The following SORCS3 variants were observed in gnomAD, a reference collection of about 807,000 sequenced individuals.
SORCS3 encodes sortilin related VPS10 domain containing receptor 3, also known as VPS10 domain-containing receptor SorCS3.
SORCS3 carries 57 observed loss-of-function variants against 146.3 expected under a neutral mutation model. That is an observed-to-expected ratio of 0.39 (90% CI 0.31 to 0.49). The LOEUF is 0.49. Among genes scored for constraint, SORCS3 ranks in the 20% least tolerant of loss-of-function variants. The pLI, the probability that SORCS3 is intolerant of heterozygous loss-of-function variation, is 0.92. For missense variants in SORCS3, 1,341 were observed against 1,575.5 expected (o/e 0.85, Z 2.52); for synonymous variants, 653 against 618.5 (o/e 1.06, Z -0.83).
At chr10:105,108,856 A>G (rs768420130) in intron 7 of SORCS3, among the ~76,000 whole-genome samples, 1 of 152,224 alleles carries the variant, frequency 6.6e-6, no homozygotes, top group Non-Finnish European at 1.5e-5. Flanking sequence ...AGGTACAAAT[A>G]TAAATCAGTG....
intron 1 of SORCS3, among the ~76,000 whole-genome samples, chr10:104,648,854 A>G (rs1291157950): frequency 6.6e-6 from 1 of 152,190 alleles, no homozygotes; most frequent in Non-Finnish European, 1.5e-5. Context: ...GTTTTCTGCT[A>G]TTGAGTGCAT....
At chr10:104,787,445 T>C (rs181237988) in intron 1 of SORCS3, among the ~76,000 whole-genome samples, 76 of 152,326 alleles carry the variant, frequency 5.0e-4, no homozygotes, top group African/African-American at 1.6e-3. Context: ...GGAATCATAA[T>C]GAATCCACTG....
rs114131453 is a variant in SORCS3 at position 104,747,712 on chromosome 10, C to T, written c.628-95080C>T. Reference sequence around the variant, plus strand: ...CATGTTCTTTAAGAGAGACACTGCTCGGACCATTCTCAGCACCTAGCACAG... The same window carrying T: ...CATGTTCTTTAAGAGAGACACTGCTTGGACCATTCTCAGCACCTAGCACAG... On this transcript the variant is annotated intron_variant, in intron 1 of 26. Transcript: ENST00000369701. 5.1e-3 allele frequency among the ~76,000 whole-genome samples: 775 copies of T among 152,290 alleles called. 5 individuals are homozygous for T. Among genetic ancestry groups the T allele is most frequent in the African/African-American group, 0.017 (713 of 41,556 alleles).
intron 6 of SORCS3, among the ~76,000 whole-genome samples, chr10:105,099,126 A>G (rs1321298768): frequency 6.6e-6 from 1 of 152,198 alleles, no homozygotes; most frequent in Admixed American, 6.5e-5. Flanking sequence ...GTCTTTACAG[A>G]TAGGTTAGTT....
chr10:104,873,507 G>A (rs932699445), intron 2 of SORCS3, among the ~76,000 whole-genome samples: 2 of 152,190 alleles, frequency 1.3e-5, no homozygotes, highest in South Asian at 4.1e-4. Flanking sequence ...GAAGGAAAGT[G>A]TGCATGAAAA....
chr10:104,929,473 C>A (rs922664353), intron 3 of SORCS3, among the ~76,000 whole-genome samples: 6 of 152,224 alleles, frequency 3.9e-5, no homozygotes, highest in African/African-American at 1.4e-4. Context: ...ACAAACTCCT[C>A]CTGCATCCCT....
chr10:104,987,164 AGAAAG>A (rs1297527611), intron 4 of SORCS3, among the ~76,000 whole-genome samples: 1 of 152,100 alleles, frequency 6.6e-6, no homozygotes, highest in Non-Finnish European at 1.5e-5. Context: ...GGTAAGGTAA[AGAAAG>A]GAAGGAATGA....
intron 5 of SORCS3, among the ~76,000 whole-genome samples, chr10:105,063,490 CTT>C (rs1310057209): frequency 6.6e-6 from 1 of 152,198 alleles, no homozygotes; most frequent in Non-Finnish European, 1.5e-5. Flanking sequence ...TACTGTCTCT[CTT>C]TAATAAAAGG....
At chr10:105,072,315 A>G (rs145887902) in intron 5 of SORCS3, among the ~76,000 whole-genome samples, 87 of 152,244 alleles carry the variant, frequency 5.7e-4, no homozygotes, top group African/African-American at 2.1e-3. Flanking sequence ...AACTTTCTGA[A>G]TCAGAGAAAT....
chr10:105,093,322 A>G (rs1400896828), intron 6 of SORCS3, among the ~76,000 whole-genome samples: 2 of 152,188 alleles, frequency 1.3e-5, no homozygotes, highest in Non-Finnish European at 2.9e-5. Flanking sequence ...AAACTTTTAA[A>G]AGAAAACATA....
intron 3 of SORCS3, among the ~76,000 whole-genome samples, chr10:104,916,630 C>T (rs758184681): frequency 1.3e-5 from 2 of 152,060 alleles, no homozygotes; most frequent in African/African-American, 2.4e-5. Context: ...AAATACTGCA[C>T]CATGTATTAT....
intron 22 of SORCS3, 120 bp from the exon 23 acceptor site, chr10:105,252,655 C>G (rs909980248): frequency 8.0e-7 from 1 of 1,257,336 alleles, no homozygotes; most frequent in African/African-American, 1.5e-5. Context: ...GAGCCTGTGC[C>G]TAAAAAGCTG....
rs566460695 is a variant in SORCS3, at chr10:105,044,635, A to C, written c.1028+1507A>C. Reference sequence around the variant, plus strand: ...CCATTCCGTCTGCATCCACAAAACTATGTTTAGATTTTAAATGAAGATTGC... The same window carrying C: ...CCATTCCGTCTGCATCCACAAAACTCTGTTTAGATTTTAAATGAAGATTGC... On this transcript the variant is annotated intron_variant, in intron 5 of 26. Coordinates refer to ENST00000369701, the MANE Select transcript of SORCS3 (RefSeq NM_014978.3). 7.9e-5 allele frequency among the ~76,000 whole-genome samples: 12 copies of C among 152,118 alleles called. No individual in the cohort carries two copies. In the East Asian group the frequency reaches 2.3e-3, roughly 29 times the overall value.
chr10:104,746,036 G>C (rs539769687), intron 1 of SORCS3, among the ~76,000 whole-genome samples: 1 of 152,108 alleles, frequency 6.6e-6, no homozygotes, highest in South Asian at 2.1e-4. Flanking sequence ...CTTATTTGGG[G>C]GAAGAAATTA....
chr10:104,691,752 G>GT lies in SORCS3; in HGVS notation c.627+49804dup, dbSNP rs201485209. 7.0e-3 allele frequency among the ~76,000 whole-genome samples: 1,058 copies of GT among 151,912 alleles called. 14 individuals are homozygous for GT. The highest frequency in any genetic ancestry group is 0.024 in the African/African-American group (1,007 of 41,424). On this transcript the variant is annotated intron_variant, in intron 1 of 26. Coordinates refer to ENST00000369701, the MANE Select transcript of SORCS3 (RefSeq NM_014978.3). ...GTGTTTGATTTCCTTTTTTCTTTTT[G>GT]TTTTTTGAGGCAGGGTCTTGCTCTG...
rs188302697 is a variant in SORCS3, at chr10:104,748,671, G to C, written c.628-94121G>C. On this transcript the variant is annotated intron_variant, in intron 1 of 26. Transcript: ENST00000369701. ...AGTTTGAAACCAGCCTGGCCAACTT[G>C]GTGAAACCCCGTCTCTACTAAAAAT... Among the ~76,000 whole-genome samples, 1,340 of 152,172 alleles carry C rather than the reference G, an allele frequency of 8.8e-3. 12 individuals carry two copies. The highest frequency in any genetic ancestry group is 0.014 in the Non-Finnish European group (939 of 67,992).
chr10:104,873,447 T>G (rs2018539678), intron 2 of SORCS3, among the ~76,000 whole-genome samples: 1 of 152,184 alleles, frequency 6.6e-6, no homozygotes, highest in South Asian at 2.1e-4. Flanking sequence ...AACAGCCCCA[T>G]TTAGCTTTGA....
At chr10:104,996,857 A>G (rs902726046) in intron 4 of SORCS3, among the ~76,000 whole-genome samples, 1 of 152,202 alleles carries the variant, frequency 6.6e-6, no homozygotes, top group Non-Finnish European at 1.5e-5. Context: ...AATGTCAAGC[A>G]AGTACAAACT....
chr10:105,185,737 A>C (rs1047914687), intron 14 of SORCS3, among the ~76,000 whole-genome samples: 3 of 152,184 alleles, frequency 2.0e-5, no homozygotes, highest in Non-Finnish European at 2.9e-5. Context: ...GAAATCCTAG[A>C]TAGAATTGAT....
Sources: gnomAD v4.1 joint callset for allele counts (sites outside exome capture counted in the v4.1 genomes callset) on GRCh38, gnomAD v4.1.1 for gene constraint, MANE v1.5 for transcripts, NCBI Gene and HGNC (gene_info 2026-07-23, HGNC 2026-07-21) for gene names.